Variants in ZNF678 observed in about 807,000 individuals in gnomAD.
The protein encoded by ZNF678 is hypothetical protein MGC42493.
Under a neutral mutation model 3.0 loss-of-function variants are expected in ZNF678, and 5 were observed. The observed-to-expected ratio is 1.69, with a 90% confidence interval of 0.88 to 3.56. The LOEUF (loss-of-function observed/expected upper bound fraction) is 3.56, where lower values mean the gene tolerates loss of function less well. ZNF678 is among the 30% of genes most tolerant of loss of function. ZNF678 has a pLI of 0.00. For missense variants in ZNF678, 593 were observed against 605.0 expected (o/e 0.98, Z 0.21); for synonymous variants, 218 against 199.6 (o/e 1.09, Z -0.78).
At chr1:227,643,557 T>C (rs1658874638) in intron 1 of ZNF678, among the ~76,000 whole-genome samples, 1 of 152,160 alleles carries the variant, frequency 6.6e-6, no homozygotes, top group South Asian at 2.1e-4. Flanking sequence ...GAGTAGCTGC[T>C]CTTGCTGCCT....
At chr1:227,679,537 T>A (rs978260997), downstream of ZNF678, among the ~76,000 whole-genome samples, 3 of 150,650 alleles carry the variant, frequency 2.0e-5, no homozygotes, top group African/African-American at 7.4e-5. Context: ...CAATTGATCA[T>A]GACCCCCTCA....
intron 1 of ZNF678, among the ~76,000 whole-genome samples, chr1:227,569,282 G>T (rs1656775591): frequency 6.6e-6 from 1 of 152,164 alleles, no homozygotes; most frequent in Non-Finnish European, 1.5e-5. Flanking sequence ...GAACCCCCAT[G>T]CCTGATCGGG....
In ZNF678 at chr1:227,670,969, T is replaced by TA. The variant is rs1193911604; in HGVS notation, c.227-6210_227-6209insA. 4.2e-3 allele frequency among the ~76,000 whole-genome samples: 605 copies of TA among 144,500 alleles called. 5 individuals carry two copies. Among genetic ancestry groups the TA allele is most frequent in the African/African-American group, 0.014 (558 of 40,612 alleles). 94.8% of individuals were successfully genotyped at this position (144,500 alleles called of 152,430 possible). A position where few individuals can be genotyped will look rare whatever the true frequency, so the allele number is the denominator to read the frequency against. On this transcript the variant is annotated intron_variant, in intron 5 of 5. Transcript: ENST00000608949. ...TGTTCCTTCATGTGAGGCCTTTTATTTTTTTTTTTTTTATGTCCAGCATTT... is the reference window on the plus strand; with the variant it reads ...TGTTCCTTCATGTGAGGCCTTTTATTATTTTTTTTTTTTATGTCCAGCATTT...
chr1:227,655,185 A>G lies in ZNF678; in HGVS notation c.935A>G (p.Lys312Arg), dbSNP rs145363343. 1.2e-6 allele frequency: 2 copies of G among 1,612,104 alleles called. No homozygotes were observed. Among genetic ancestry groups the G allele is most frequent in the East Asian group, 2.2e-5 (1 of 44,694 alleles). ...CAGTTTGCAAGCCTTACTCGTCATAAAAGAATTCATACTGGAGAAAAACCC... is the reference window on the plus strand; with the variant it reads ...CAGTTTGCAAGCCTTACTCGTCATAGAAGAATTCATACTGGAGAAAAACCC... ...FTQFASLTRH[K>R]RIHTGEKPYQ... Residue 312 changes from lysine (K) to arginine (R), a missense_variant, in exon 4 of 4, where the codon AAA (lysine) becomes AGA (arginine). By Grantham distance (26) the Lys-to-Arg change is conservative. Coordinates refer to ENST00000343776, the MANE Select transcript of ZNF678 (RefSeq NM_001367909.1).
At chr1:227,620,631 T>C (rs907716878) in intron 1 of ZNF678, among the ~76,000 whole-genome samples, 4 of 152,188 alleles carry the variant, frequency 2.6e-5, no homozygotes, top group African/African-American at 9.7e-5. Flanking sequence ...TTGGTCTTTG[T>C]TAAAAGCAGG....
intron 5 of ZNF678, among the ~76,000 whole-genome samples, chr1:227,673,939 C>T (rs898895451): frequency 2.0e-5 from 3 of 152,098 alleles, no homozygotes; most frequent in Admixed American, 6.6e-5. Context: ...AAAACACATA[C>T]AAATATATTA....
At chr1:227,566,745 T>C (rs1322424351) in intron 1 of ZNF678, among the ~76,000 whole-genome samples, 1 of 152,250 alleles carries the variant, frequency 6.6e-6, no homozygotes, top group Non-Finnish European at 1.5e-5. Context: ...TTACAAAGGG[T>C]ATGAACGTGG....
intron 1 of ZNF678, among the ~76,000 whole-genome samples, chr1:227,594,785 GTTAAT>G (rs1345517660): frequency 6.6e-6 from 1 of 152,064 alleles, no homozygotes; most frequent in Non-Finnish European, 1.5e-5. Context: ...TAAACAGCTA[GTTAAT>G]TTATTTCAGG....
At chr1:227,603,969 AGTTT>A (rs1274898538) in intron 1 of ZNF678, among the ~76,000 whole-genome samples, 12 of 152,180 alleles carry the variant, frequency 7.9e-5, no homozygotes, top group Non-Finnish European at 1.2e-4. Context: ...GGTTTCTATT[AGTTT>A]GTTTGAGGTT....
At chr1:227,666,352 C>G (rs146014899), downstream of ZNF678, among the ~76,000 whole-genome samples, 281 of 152,318 alleles carry the variant, frequency 1.8e-3, 5 homozygotes, top group East Asian at 2.3e-3. Flanking sequence ...AAGGCCCCAT[C>G]CTGGCTTTTG....
chr1:227,615,157 C>T (rs1658112880), intron 1 of ZNF678, among the ~76,000 whole-genome samples: 1 of 152,210 alleles, frequency 6.6e-6, no homozygotes, highest in African/African-American at 2.4e-5. Flanking sequence ...CTGTGATTTA[C>T]TGAATCTCAA....
chr1:227,642,098 T>C (rs1216036237), intron 1 of ZNF678, among the ~76,000 whole-genome samples: 2 of 152,194 alleles, frequency 1.3e-5, no homozygotes, highest in Non-Finnish European at 2.9e-5. Flanking sequence ...CTCCACGAAA[T>C]AGTAAACCAG....
At chr1:227,621,546 C>G (rs1186556068) in intron 1 of ZNF678, among the ~76,000 whole-genome samples, 1 of 152,140 alleles carries the variant, frequency 6.6e-6, no homozygotes, top group Non-Finnish European at 1.5e-5. Context: ...GATTTGTGCT[C>G]TAAGCAGAAA....
At chr1:227,591,376 T>A (rs952010412) in intron 1 of ZNF678, among the ~76,000 whole-genome samples, 8 of 152,226 alleles carry the variant, frequency 5.3e-5, no homozygotes, top group Admixed American at 2.6e-4. Flanking sequence ...TTCATTTTTT[T>A]AAATTTAAGT....
chr1:227,621,185 G>GCAGT (rs1011197790), intron 1 of ZNF678, among the ~76,000 whole-genome samples: 1 of 152,204 alleles, frequency 6.6e-6, no homozygotes, highest in Admixed American at 6.5e-5. Flanking sequence ...GATCGAGGTT[G>GCAGT]CAGTCAGCTG....
intron 1 of ZNF678, among the ~76,000 whole-genome samples, chr1:227,599,300 T>G (rs1375146392): frequency 6.6e-6 from 1 of 152,226 alleles, no homozygotes; most frequent in Non-Finnish European, 1.5e-5. Context: ...GTTGTCCCAC[T>G]TCCCCATGGT....
At chr1:227,651,809 A>T (rs530432388) in intron 3 of ZNF678, among the ~76,000 whole-genome samples, 4 of 152,246 alleles carry the variant, frequency 2.6e-5, no homozygotes, top group Admixed American at 2.0e-4. Context: ...CCTGGCCTGA[A>T]GTAATCCTTC....
At chr1:227,619,478 T>G (rs1315558925) in intron 1 of ZNF678, among the ~76,000 whole-genome samples, 1 of 150,814 alleles carries the variant, frequency 6.6e-6, no homozygotes, top group Non-Finnish European at 1.5e-5. Flanking sequence ...GACTCTGGGT[T>G]GTGTCATAGT....
intron 1 of ZNF678, chr1:227,599,179 A>G: frequency 2.6e-6 from 3 of 1,159,958 alleles, no homozygotes; most frequent in African/African-American, 1.5e-5. Context: ...TTCTTGTTCA[A>G]ATAACCTTTG....
Sources: allele counts gnomAD v4.1 joint callset (sites outside exome capture counted in the v4.1 genomes callset), GRCh38; gene constraint gnomAD v4.1.1; transcripts MANE v1.5; gene names NCBI Gene and HGNC (gene_info 2026-07-23, HGNC 2026-07-21).